The following PKIG variants were observed in gnomAD, a reference collection of about 807,000 sequenced individuals.
PKIG encodes the protein cAMP-dependent protein kinase inhibitor gamma.
Under a neutral mutation model 6.8 loss-of-function variants are expected in PKIG, and 1 was observed. The ratio of observed to expected loss-of-function variants is 0.15; its 90% CI spans 0.05 to 0.69. PKIG has a LOEUF of 0.69. Among genes scored for constraint, PKIG ranks in the 30% least tolerant of loss-of-function variants. The pLI, the probability that PKIG is intolerant of heterozygous loss-of-function variation, is 0.82. For missense variants in PKIG, 77 were observed against 104.0 expected, an observed-to-expected ratio of 0.74 and a Z score of 1.13; for synonymous variants, 39 against 43.0, an observed-to-expected ratio of 0.91 and a Z score of 0.36.
chr20:44,539,721 A>G (rs1190178643), intron 1 of PKIG, among the ~76,000 whole-genome samples: 1 of 151,678 alleles, frequency 6.6e-6, no homozygotes. Context: ...GCCCAGCCTC[A>G]AATTTGTAAA....
At chr20:44,610,492 TCTCTCTCTCACACA>T (rs2065206897) in intron 2 of PKIG, among the ~76,000 whole-genome samples, 1 of 116,050 alleles carries the variant, frequency 8.6e-6, no homozygotes, top group African/African-American at 4.2e-5. Flanking sequence ...CTCTTCTCTC[TCTCTCTCTCACACA>T]CACACACACA....
At chr20:44,583,222 A>G (rs1205013106) in intron 1 of PKIG, among the ~76,000 whole-genome samples, 2 of 152,232 alleles carry the variant, frequency 1.3e-5, no homozygotes, top group Non-Finnish European at 2.9e-5. Flanking sequence ...GTCAGACTCC[A>G]TGAATTTACC....
In PKIG at chr20:44,541,984, C is replaced by T. The variant is rs549089239; in HGVS notation, c.-241+10006C>T. Among the ~76,000 whole-genome samples the T allele has an allele frequency of 1.3e-4, 20 of 152,234 alleles. No homozygotes were observed. In the South Asian group the frequency reaches 3.7e-3, roughly 28 times the overall value. On this transcript the variant is annotated intron_variant, in intron 1 of 4. Transcript: ENST00000372887. Reference sequence around the variant, plus strand: ...GATTATAGGCATAAGCCACCACTCCCGGCCAAGTATAGCTTATTTTCTTAT... The same window carrying T: ...GATTATAGGCATAAGCCACCACTCCTGGCCAAGTATAGCTTATTTTCTTAT...
chr20:44,577,002 A>G (rs1397146894), intron 1 of PKIG, among the ~76,000 whole-genome samples: 2 of 152,198 alleles, frequency 1.3e-5, no homozygotes, highest in Non-Finnish European at 2.9e-5. Flanking sequence ...CGTGTACTCC[A>G]AAACCAAAAA....
intron 1 of PKIG, among the ~76,000 whole-genome samples, chr20:44,582,954 T>C (rs561928087): frequency 3.9e-5 from 6 of 152,256 alleles, no homozygotes; most frequent in Non-Finnish European, 7.3e-5. Context: ...ATTCAGATGC[T>C]GTTTCATTTT....
At chr20:44,579,201 C>T (rs1467564677), upstream of PKIG, among the ~76,000 whole-genome samples, 1 of 152,110 alleles carries the variant, frequency 6.6e-6, no homozygotes, top group Non-Finnish European at 1.5e-5. Context: ...CTGCCCCCAA[C>T]TAAATATGTG....
Position 44,614,651 on chromosome 20 carries a change from CT to C in PKIG, c.96del (p.Val33Ter). The C allele has an allele frequency of 6.2e-7, 1 of 1,614,068 alleles. No individual in the cohort carries two copies. Among genetic ancestry groups the C allele is most frequent in the Non-Finnish European group, 8.5e-7 (1 of 1,180,020 alleles). On this transcript the variant is annotated frameshift_variant, in exon 3 of 4. Transcript: ENST00000372886. LOFTEE classifies it high-confidence loss of function. This position sits in a 1 kb window ranked among gnomAD's most constrained non-coding sequence, Gnocchi z 4.6. ...AVPDIQGDSEAVSVRKLAGDM... is the reference protein window; with the variant it reads ...AVPDIQGDSEXVSVRKLAGDM... ...CCTGACATCCAGGGAGACTCAGAGG[CT>C]GTGAGCGTGAGGAAGCTGGCTGGAG...
chr20:44,595,582 T>C (rs1307706276), intron 2 of PKIG, among the ~76,000 whole-genome samples: 2 of 152,188 alleles, frequency 1.3e-5, no homozygotes, highest in Non-Finnish European at 2.9e-5. Context: ...GGCATGATCT[T>C]GGCTCACTGC....
chr20:44,577,117 G>GTT (rs141419687), intron 1 of PKIG, among the ~76,000 whole-genome samples: 2 of 148,586 alleles, frequency 1.3e-5, no homozygotes, highest in Non-Finnish European at 3.0e-5. Flanking sequence ...TGTGTGTGTG[G>GTT]TTTTTTTTTT....
At chr20:44,559,871 C>T (rs1341680567) in intron 1 of PKIG, among the ~76,000 whole-genome samples, 5 of 152,132 alleles carry the variant, frequency 3.3e-5, no homozygotes, top group Admixed American at 3.3e-4. Flanking sequence ...AGATTAATTT[C>T]AAGAAGACTG....
intron 2 of PKIG, among the ~76,000 whole-genome samples, chr20:44,596,220 A>G (rs1160273249): frequency 2.0e-5 from 3 of 152,184 alleles, no homozygotes; most frequent in African/African-American, 7.2e-5. Context: ...TTCTGTGTGT[A>G]TTTGTCGAAT....
intron 1 of PKIG, among the ~76,000 whole-genome samples, chr20:44,558,133 G>T (rs574096792): frequency 1.3e-5 from 2 of 152,066 alleles, no homozygotes; most frequent in African/African-American, 4.8e-5. Context: ...TTTCTGAAAG[G>T]TATGCTATTT....
chr20:44,536,961 G>A (rs917659603), intron 1 of PKIG, among the ~76,000 whole-genome samples: 5 of 152,150 alleles, frequency 3.3e-5, no homozygotes, highest in Non-Finnish European at 5.9e-5. Context: ...ACGGAGTCTC[G>A]CTCTGTTGTG....
chr20:44,575,791 C>G lies in PKIG; in HGVS notation c.-240-6794C>G, dbSNP rs244112. Reference sequence around the variant, plus strand: ...CTGTGGTTCTGCAGAGCTTTTGGGCCCTCTGTGTGCTGCAGGTATGGGATA... The same window carrying G: ...CTGTGGTTCTGCAGAGCTTTTGGGCGCTCTGTGTGCTGCAGGTATGGGATA... On this transcript the variant is annotated intron_variant, in intron 1 of 4. Coordinates refer to the PKIG transcript ENST00000372887. 3.0e-3 allele frequency among the ~76,000 whole-genome samples: 463 copies of G among 152,194 alleles called. 1 individual carries two copies. The highest frequency in any genetic ancestry group is 0.01 in the African/African-American group (432 of 41,524).
intron 1 of PKIG, among the ~76,000 whole-genome samples, chr20:44,535,649 A>G (rs2064505990): frequency 6.6e-6 from 1 of 152,218 alleles, no homozygotes; most frequent in Non-Finnish European, 1.5e-5. Flanking sequence ...CTCAAAAAAA[A>G]GGACAGTTAG....
intron 1 of PKIG, among the ~76,000 whole-genome samples, chr20:44,537,453 T>C (rs1266050607): frequency 6.6e-6 from 1 of 152,064 alleles, no homozygotes; most frequent in Non-Finnish European, 1.5e-5. Context: ...CAGGCTGGTC[T>C]TGACTCCTGA....
At chr20:44,569,905 G>C (rs2064840887) in intron 1 of PKIG, among the ~76,000 whole-genome samples, 1 of 152,220 alleles carries the variant, frequency 6.6e-6, no homozygotes, top group Non-Finnish European at 1.5e-5. Flanking sequence ...AAGGCATGAG[G>C]ATTACTTGAG....
chr20:44,617,721 G>A (rs2065279678), intron 3 of PKIG, among the ~76,000 whole-genome samples: 1 of 152,050 alleles, frequency 6.6e-6, no homozygotes, highest in Non-Finnish European at 1.5e-5. Flanking sequence ...CGCTCCCTGA[G>A]CTGGCCTGGT....
intron 1 of PKIG, among the ~76,000 whole-genome samples, chr20:44,549,335 A>C (rs1203884431): frequency 6.6e-6 from 1 of 152,194 alleles, no homozygotes; most frequent in East Asian, 1.9e-4. Flanking sequence ...GGTCCCAGTG[A>C]CATATGAACT....
Sources: gnomAD v4.1 joint callset for allele counts (sites outside exome capture counted in the v4.1 genomes callset) on GRCh38, gnomAD v4.1.1 for gene constraint, Gnocchi (gnomAD v3.1) non-coding constraint, MANE v1.5 for transcripts, NCBI Gene and HGNC (gene_info 2026-07-23, HGNC 2026-07-21) for gene names.